MUC5B: variants seen among roughly 807,000 people sequenced by gnomAD.
The protein encoded by MUC5B is mucin-5B.
Under a neutral mutation model 376.9 loss-of-function variants are expected in MUC5B, and 116 were observed. That is an observed-to-expected ratio of 0.31 (90% CI 0.26 to 0.36). The LOEUF is 0.36. Among genes scored for constraint, MUC5B ranks in the 10% least tolerant of loss-of-function variants. The probability of loss-of-function intolerance (pLI) is 1.00; values close to 1 mark genes in which losing one functional copy is unlikely to be tolerated. For missense variants in MUC5B, 7,165 were observed against 7,769.9 expected, an observed-to-expected ratio of 0.92 and a Z score of 2.93; for synonymous variants, 3,517 against 3,390.9, an observed-to-expected ratio of 1.04 and a Z score of -1.29.
chr11:1,249,165 G>A lies in MUC5B; in HGVS notation c.12285G>A (p.Arg4095=). The A allele has an allele frequency of 1.9e-6, 3 of 1,610,800 alleles. 1 individual carries two copies. Among genetic ancestry groups the A allele is most frequent in the Non-Finnish European group, 1.7e-6 (2 of 1,179,408 alleles). ...TTPGHTTATS[R]TTATATPSKT... is the part of the protein sequence containing the mutation. ...CGGGCCACACCACGGCCACCTCCAG[G>A]ACCACGGCCACGGCCACACCCAGCA... The change falls in exon 31 of 49, where the codon AGG becomes AGA. Residue 4095 remains arginine (R), a synonymous_variant. Coordinates refer to ENST00000529681, the MANE Select transcript of MUC5B (RefSeq NM_002458.3).
In MUC5B at chr11:1,258,458, G is replaced by T; in HGVS notation, c.16593+91G>T. 1 of 1,480,264 alleles carries T rather than the reference G, an allele frequency of 6.8e-7. No individual in the cohort carries two copies. The highest frequency in any genetic ancestry group is 1.2e-5 in the South Asian group (1 of 81,000). 91.7% of individuals were successfully genotyped at this position (1,480,264 alleles called of 1,614,324 possible). On this transcript the variant is annotated intron_variant, in intron 43 of 48. Coordinates refer to ENST00000529681, the MANE Select transcript of MUC5B (RefSeq NM_002458.3). The surrounding 1 kb of genome is among the most constrained non-coding windows in gnomAD (Gnocchi z 5.5). ...CTCTCTGAGCCCCACTCCTTGTCTT[G>T]ACATTCCTGCCCTGAGGGCCGATCC...
In MUC5B at chr11:1,243,512, G is replaced by C. The variant is rs137973688; in HGVS notation, c.6632G>C (p.Arg2211Pro). The C allele has an allele frequency of 0.46, 661,627 of 1,433,604 alleles. 176,584 individuals carry two copies. Among genetic ancestry groups the C allele is most frequent in the East Asian group, 0.7 (29,078 of 41,652 alleles). 88.8% of individuals were successfully genotyped at this position (1,433,604 alleles called of 1,614,324 possible). A position where few individuals can be genotyped will look rare whatever the true frequency, so the allele number is the denominator to read the frequency against. ...SLPPSSPHTV[R>P]TAWTSATSGI... is the part of the protein sequence containing the mutation. ...CCCCCCAGCAGTCCCCACACGGTGC[G>C]CACAGCCTGGACTTCGGCCACCTCG... is the stretch of plus-strand genomic sequence containing the variant. The change falls in exon 31 of 49, where the codon CGC (arginine) becomes CCC (proline). Residue 2211 changes from arginine (R) to proline (P), a missense_variant. This residue lies in a region of MUC5B where 67 missense variants were observed against 103.0 expected (regional missense o/e 0.65). Transcript: ENST00000529681.
chr11:1,255,389 T>C lies in MUC5B; in HGVS notation c.15897T>C (p.Phe5299=), dbSNP rs779473382. ...TGATCGCTTTGCCCCACAGGGTCTT[T>C]GCTGAGTGCCACAACCTTGTGCCCC... ...PLCDLMLSQV[F]AECHNLVPPG... Residue 5299 remains phenylalanine, a synonymous_variant, in exon 37 of 49, where the codon TTT becomes TTC. Coordinates refer to ENST00000529681, the MANE Select transcript of MUC5B (RefSeq NM_002458.3). 2.5e-6 allele frequency: 4 copies of C among 1,596,634 alleles called. No individual in the cohort carries two copies. The South Asian group carries it at 4.5e-5, about 18-fold the overall frequency.
In MUC5B at chr11:1,247,683, C is replaced by G. The variant is rs1423732501; in HGVS notation, c.10803C>G (p.Ile3601Met). 2.5e-6 allele frequency: 4 copies of G among 1,591,668 alleles called. No homozygotes were observed. Residue 3601 changes from isoleucine (I) to methionine (M), a missense_variant, in exon 31 of 49, where the codon ATC (isoleucine) becomes ATG (methionine). Around this residue, in one of 31 missense-constraint regions of MUC5B, gnomAD observed 81 missense variants for 154.5 expected, o/e 0.52. Coordinates refer to ENST00000529681, the MANE Select transcript of MUC5B (RefSeq NM_002458.3). ...SGGDFDTYSN[I>M]RAAGGAVCEQ... ...GGGACTTTGACACCTACTCCAACAT[C>G]CGTGCGGCCGGAGGGGCAGTCTGTG... is the stretch of plus-strand genomic sequence containing the variant.
intron 1 of MUC5B, among the ~76,000 whole-genome samples, chr11:1,225,345 G>T (rs1051508599): frequency 8.5e-5 from 13 of 152,266 alleles, no homozygotes; most frequent in Non-Finnish European, 1.8e-4. Context: ...CCCTTGAGAA[G>T]GAGGCACCAT....
chr11:1,261,587 C>T lies in MUC5B; in HGVS notation c.17268C>T (p.Ala5756=), dbSNP rs1241969850. Residue 5756 remains alanine, a synonymous_variant, in exon 49 of 49, where the codon GCC becomes GCT. Coordinates refer to ENST00000529681, the MANE Select transcript of MUC5B (RefSeq NM_002458.3). ...CCCCACACACCCGTGGCTTCCCGGCCCAGGAGGCCACTGCTGTCTGAGAAC... is the reference window on the plus strand; with the variant it reads ...CCCCACACACCCGTGGCTTCCCGGCTCAGGAGGCCACTGCTGTCTGAGAAC... ...MAPPHTRGFP[A]QEATAV The T allele has an allele frequency of 1.2e-6, 2 of 1,606,712 alleles. No homozygotes were observed. Among genetic ancestry groups the T allele is most frequent in the South Asian group, 1.1e-5 (1 of 89,446 alleles).
At chr11:1,235,912 A>C (rs933093088) in intron 23 of MUC5B, among the ~76,000 whole-genome samples, 2 of 152,110 alleles carry the variant, frequency 1.3e-5, no homozygotes, top group Non-Finnish European at 2.9e-5. Context: ...GGGAGTTCGC[A>C]TGTGGACAGG....
At chr11:1,227,851 TCTGAGGAATGTTCC>T (rs1861923909) in intron 7 of MUC5B, 70 bp downstream of exon 7, 1 of 658,880 alleles carries the variant, frequency 1.5e-6, no homozygotes, top group African/African-American at 1.8e-5. Flanking sequence ...TGGGCCGAGG[TCTGAGGAATGTTCC>T]CAGCTGGTGG....
rs202020113 is a variant in MUC5B, at chr11:1,244,676, C to A, written c.7796C>A (p.Thr2599Asn). ...ATGSVATPSS[T>N]PGTAHTTKVL... is the part of the protein sequence containing the mutation. ...GGCTCTGTGGCCACCCCCTCCTCCA[C>A]CCCAGGAACAGCTCACACTACCAAA... Residue 2599 changes from threonine to asparagine, a missense_variant, in exon 31 of 49, where the codon ACC becomes AAC. Thr to Asn is a moderately conservative substitution (Grantham distance 65). Coordinates refer to ENST00000529681, the MANE Select transcript of MUC5B (RefSeq NM_002458.3). The A allele has an allele frequency of 1.3e-6, 2 of 1,595,606 alleles. No individual in the cohort carries two copies. Among genetic ancestry groups the A allele is most frequent in the South Asian group, 1.1e-5 (1 of 90,500 alleles).
rs371785776 is a variant in MUC5B, at chr11:1,248,922, A to G, written c.12042A>G (p.Arg4014=). ...ACACCACGGCCACCACACACGGGCG[A>G]TCCCTGTCCCCCAGCAGTCCCCACA... ...VPNTTATTHG[R]SLSPSSPHTV... The change falls in exon 31 of 49, where the codon CGA becomes CGG. Residue 4014 remains arginine (R), a synonymous_variant. Transcript: ENST00000529681. 1.9e-3 allele frequency: 2,931 copies of G among 1,578,772 alleles called. 8 individuals carry two copies. Among genetic ancestry groups the G allele is most frequent in the Non-Finnish European group, 2.3e-3 (2,693 of 1,161,154 alleles).
chr11:1,253,497 T>G lies in MUC5B; in HGVS notation c.15217+517T>G, dbSNP rs1003793424. On this transcript the variant is annotated intron_variant, in intron 33 of 48. Transcript: ENST00000529681. The surrounding 1 kb of genome is among the most constrained non-coding windows in gnomAD (Gnocchi z 4.3). Reference sequence around the variant, plus strand: ...CCACCGCTAAGAGGTCACGGCGTTCTCACTCCTCCCCATGTCCTTGGCCCA... The same window carrying G: ...CCACCGCTAAGAGGTCACGGCGTTCGCACTCCTCCCCATGTCCTTGGCCCA... Among the ~76,000 whole-genome samples, 1 of 152,162 alleles carries G rather than the reference T, an allele frequency of 6.6e-6. No homozygotes were observed. The highest frequency in any genetic ancestry group is 1.5e-5 in the Non-Finnish European group (1 of 68,012).
rs1219153056 is a variant in MUC5B at position 1,259,860 on chromosome 11, T to G, written c.16800+18T>G. The G allele has an allele frequency of 6.2e-7, 1 of 1,612,322 alleles. No homozygotes were observed. Among genetic ancestry groups the G allele is most frequent in the Non-Finnish European group, 8.5e-7 (1 of 1,179,568 alleles). Reference sequence around the variant, plus strand: ...CAGTCCAGGTAACAGCAGAGGCATGTGGGGGCAGGTCTCAGCTCCCTCCCT... The same window carrying G: ...CAGTCCAGGTAACAGCAGAGGCATGGGGGGGCAGGTCTCAGCTCCCTCCCT... On this transcript the variant is annotated intron_variant, in intron 45 of 48. Transcript: ENST00000529681.
rs200063748 is a variant in MUC5B at position 1,244,882 on chromosome 11, A to G, written c.8002A>G (p.Thr2668Ala). 617 of 1,611,676 alleles carry G rather than the reference A, an allele frequency of 3.8e-4. No individual in the cohort carries two copies. In the African/African-American group the frequency reaches 7.4e-3, roughly 19 times the overall value. The change falls in exon 31 of 49, where the codon ACT becomes GCT. Residue 2668 changes from threonine to alanine, a missense_variant. By Grantham distance (58) the Thr-to-Ala change is moderately conservative (BLOSUM62 0). This residue lies in a region of MUC5B where 141 missense variants were observed against 111.2 expected (regional missense o/e 1.27). Coordinates refer to ENST00000529681, the MANE Select transcript of MUC5B (RefSeq NM_002458.3). The stretch of plus-strand genomic sequence containing the variant: ...CACAGTGCTGACCACCACCACCACA[A>G]CTGTGGCCACTGGTTCTATGGCAAC... ...TPTVLTTTTT[T>A]VATGSMATPS...
chr11:1,230,478 C>A lies in MUC5B; in HGVS notation c.1360-12C>A. ...AGCCAGGCCCAATGCACGCGTGGGT[C>A]CTTCTCCCCAGAAATGTGCCGACAG... On this transcript the variant is annotated splice_polypyrimidine_tract_variant and intron_variant, in intron 11 of 48. Coordinates refer to ENST00000529681, the MANE Select transcript of MUC5B (RefSeq NM_002458.3). The A allele has an allele frequency of 6.3e-7, 1 of 1,592,226 alleles. No individual in the cohort carries two copies.
At chr11:1,224,877 C>T (rs1163876862) in intron 1 of MUC5B, among the ~76,000 whole-genome samples, 3 of 152,116 alleles carry the variant, frequency 2.0e-5, no homozygotes, top group Non-Finnish European at 4.4e-5. Context: ...CCTCACCTCC[C>T]ACCTCCCCAC....
chr11:1,250,680 C>G lies in MUC5B; in HGVS notation c.13800C>G (p.Gly4600=). 6.2e-7 allele frequency: 1 copy of G among 1,612,206 alleles called. No individual in the cohort carries two copies. Among genetic ancestry groups the G allele is most frequent in the Non-Finnish European group, 8.5e-7 (1 of 1,178,886 alleles). The change falls in exon 31 of 49, where the codon GGC becomes GGG. Residue 4600 remains glycine (G), a synonymous_variant. Transcript: ENST00000529681. ...TTKVPTTTTT[G]FTATPSSSPG... is the part of the protein sequence containing the mutation. ...AAGTGCCGACTACCACAACCACGGG[C>G]TTCACAGCCACCCCCTCCTCCAGCC... is the stretch of plus-strand genomic sequence containing the variant.
rs369573640 is a variant in MUC5B, at chr11:1,258,397, C to T, written c.16593+30C>T. 33 of 1,610,204 alleles carry T rather than the reference C, an allele frequency of 2.0e-5. No individual in the cohort carries two copies. The highest frequency in any genetic ancestry group is 1.9e-4 in the African/African-American group (14 of 75,016). ...GGGCACAGCAGTGGGTGGGTGTGGC[C>T]CTGGGGCCTGAACATGTGTGTGGGA... is the stretch of plus-strand genomic sequence containing the variant. On this transcript the variant is annotated intron_variant, in intron 43 of 48. Coordinates refer to ENST00000529681, the MANE Select transcript of MUC5B (RefSeq NM_002458.3). The surrounding 1 kb of genome is among the most constrained non-coding windows in gnomAD (Gnocchi z 5.5).
At chr11:1,233,352 C>A (rs548850620) in intron 18 of MUC5B, 84 bp downstream of exon 18, 6 of 1,406,492 alleles carry the variant, frequency 4.3e-6, no homozygotes, top group Admixed American at 5.4e-5. Context: ...GTGCCTCCCC[C>A]CGAGGGTTCT....
In MUC5B at chr11:1,231,015, T is replaced by A. The variant is rs1316301284; in HGVS notation, c.1540+10T>A. The A allele has an allele frequency of 1.3e-6, 2 of 1,585,286 alleles. No homozygotes were observed. The highest frequency in any genetic ancestry group is 2.7e-5 in the African/African-American group (2 of 74,204). On this transcript the variant is annotated intron_variant, in intron 13 of 48. Coordinates refer to ENST00000529681, the MANE Select transcript of MUC5B (RefSeq NM_002458.3). ...CTGCCCCTGTCGGCAGGTATGTGGC[T>A]CTCCCAGGACGGCCGGGCTGGGTGG...
Sources: gnomAD v4.1 joint callset for allele counts (sites outside exome capture counted in the v4.1 genomes callset) on GRCh38, gnomAD v4.1.1 for gene constraint, gnomAD v4.1.1 regional missense constraint, Gnocchi (gnomAD v3.1) non-coding constraint, MANE v1.5 for transcripts, NCBI Gene and HGNC (gene_info 2026-07-23, HGNC 2026-07-21) for gene names.